Variants in AGBL1 observed in about 807,000 individuals in gnomAD.
AGBL1 encodes AGBL carboxypeptidase 1.
A neutral mutation model predicts 118.9 loss-of-function variants in AGBL1; 130 were observed. The ratio of observed to expected loss-of-function variants is 1.09; its 90% CI spans 0.95 to 1.26. The LOEUF is 1.26. AGBL1 is among the 50% of genes most tolerant of loss of function. AGBL1 has a pLI of 0.00. For synonymous variants in AGBL1, 555 were observed against 478.9 expected, an observed-to-expected ratio of 1.16 and a Z score of -2.08; for missense variants, 1,584 against 1,298.1, an observed-to-expected ratio of 1.22 and a Z score of -3.38.
intron 22 of AGBL1, among the ~76,000 whole-genome samples, chr15:86,763,938 G>T (rs929330526): frequency 6.6e-6 from 1 of 152,026 alleles, no homozygotes; most frequent in Non-Finnish European, 1.5e-5. Context: ...GTGAATATCT[G>T]GAGATACAGA....
At chr15:86,207,173 T>TCTGTTTTGGTACCAGTATCATG (rs1174659645) in intron 5 of AGBL1, among the ~76,000 whole-genome samples, 2 of 152,230 alleles carry the variant, frequency 1.3e-5, no homozygotes, top group African/African-American at 2.4e-5. Context: ...GGTCTATCTC[T>TCTGTTTTGGTACCAGTATCATG]CTGTTTTGGT....
At chr15:86,404,544 G>C (rs1379937654) in intron 18 of AGBL1, among the ~76,000 whole-genome samples, 1 of 152,128 alleles carries the variant, frequency 6.6e-6, no homozygotes, top group East Asian at 1.9e-4. Context: ...ATGCAGCAGT[G>C]GCTCTCAGAC....
intron 17 of AGBL1, among the ~76,000 whole-genome samples, chr15:86,334,397 C>G (rs1178003302): frequency 6.6e-6 from 1 of 152,068 alleles, no homozygotes; most frequent in Non-Finnish European, 1.5e-5. Context: ...AGAACCCAAT[C>G]AAGAACACAA....
intron 24 of AGBL1, chr15:86,988,151 T>A: frequency 6.4e-7 from 1 of 1,572,444 alleles, no homozygotes; most frequent in Non-Finnish European, 8.7e-7. Context: ...TGAAATACCC[T>A]GCATGTGACT....
At chr15:86,919,191 T>C (rs933284517), downstream of AGBL1, among the ~76,000 whole-genome samples, 2 of 152,226 alleles carry the variant, frequency 1.3e-5, no homozygotes, top group Non-Finnish European at 2.9e-5. Context: ...TTCACTTGAC[T>C]TCAACCTAAA....
chr15:86,250,061 C>T (rs1464325677), intron 7 of AGBL1, among the ~76,000 whole-genome samples: 3 of 152,146 alleles, frequency 2.0e-5, no homozygotes, highest in Non-Finnish European at 4.4e-5. Context: ...GTTATAATCT[C>T]TGCAAGTATG....
intron 6 of AGBL1, among the ~76,000 whole-genome samples, chr15:86,229,045 G>T (rs915082092): frequency 1.3e-5 from 2 of 151,994 alleles, no homozygotes; most frequent in African/African-American, 4.8e-5. Context: ...TGAAAGTTTT[G>T]CCTTTTTATG....
intron 22 of AGBL1, among the ~76,000 whole-genome samples, chr15:86,751,214 T>C (rs1365728425): frequency 6.6e-6 from 1 of 152,158 alleles, no homozygotes; most frequent in African/African-American, 2.4e-5. Flanking sequence ...TCTTCCACAA[T>C]GGCTGAACTA....
At chr15:86,779,942 C>A (rs1272637123) in intron 22 of AGBL1, among the ~76,000 whole-genome samples, 1 of 151,704 alleles carries the variant, frequency 6.6e-6, no homozygotes, top group African/African-American at 2.4e-5. Context: ...CACACACACA[C>A]CCCTACACTT....
intron 18 of AGBL1, among the ~76,000 whole-genome samples, chr15:86,473,858 G>A (rs1009533766): frequency 1.4e-4 from 21 of 152,064 alleles, no homozygotes; most frequent in African/African-American, 4.3e-4. Flanking sequence ...TGAGCCTCTG[G>A]AAATTTTCCT....
chr15:86,386,643 C>T (rs537351997), intron 17 of AGBL1, among the ~76,000 whole-genome samples: 106 of 152,090 alleles, frequency 7.0e-4, no homozygotes, highest in African/African-American at 2.4e-3. Flanking sequence ...CCTCAAAGAG[C>T]CTTCTTTTCT....
intron 17 of AGBL1, among the ~76,000 whole-genome samples, chr15:86,386,415 G>C (rs866922217): frequency 6.7e-6 from 1 of 149,646 alleles, no homozygotes; most frequent in Admixed American, 6.7e-5. Flanking sequence ...TGCTAGACGA[G>C]GGGTGGATTA....
intron 5 of AGBL1, among the ~76,000 whole-genome samples, chr15:86,222,018 A>G (rs1016496612): frequency 2.0e-5 from 3 of 152,170 alleles, no homozygotes; most frequent in Non-Finnish European, 4.4e-5. Context: ...CAGTTTCCAA[A>G]CTAATCATCC....
At chr15:86,080,220 T>C in intron 1 of AGBL1, 197 bp downstream of exon 1, 1 of 397,176 alleles carries the variant, frequency 2.5e-6, no homozygotes, top group Non-Finnish European at 4.4e-6. Flanking sequence ...ACGACGATGT[T>C]GATGATTGTT....
chr15:86,223,428 C>T (rs1169392884), intron 5 of AGBL1, among the ~76,000 whole-genome samples: 2 of 152,008 alleles, frequency 1.3e-5, no homozygotes, highest in African/African-American at 4.8e-5. Flanking sequence ...CTTTTTGCCC[C>T]AGCCCAAGCC....
At chr15:86,292,894 G>C (rs557984530) in intron 16 of AGBL1, among the ~76,000 whole-genome samples, 1 of 152,290 alleles carries the variant, frequency 6.6e-6, no homozygotes, top group African/African-American at 2.4e-5. Flanking sequence ...AGGTTATGCT[G>C]ATGAAGGTTG....
At chr15:86,938,579 G>A (rs998682815) in intron 23 of AGBL1, among the ~76,000 whole-genome samples, 1 of 152,112 alleles carries the variant, frequency 6.6e-6, no homozygotes, top group Non-Finnish European at 1.5e-5. Flanking sequence ...GGGACACTCA[G>A]CCATTCCAAG....
At chr15:86,430,756 G>T (rs1351936456) in intron 18 of AGBL1, among the ~76,000 whole-genome samples, 1 of 152,044 alleles carries the variant, frequency 6.6e-6, no homozygotes, top group African/African-American at 2.4e-5. Context: ...GTTTTAGTGG[G>T]GCTTTGAGAG....
At chr15:86,490,179 G>A (rs1443822371) in intron 18 of AGBL1, among the ~76,000 whole-genome samples, 1 of 152,018 alleles carries the variant, frequency 6.6e-6, no homozygotes, top group African/African-American at 2.4e-5. Flanking sequence ...TTACACTTGA[G>A]AAGTTACTCC....
Sources: allele counts gnomAD v4.1 joint callset (sites outside exome capture counted in the v4.1 genomes callset), GRCh38; gene constraint gnomAD v4.1.1; transcripts MANE v1.5; gene names NCBI Gene and HGNC (gene_info 2026-07-23, HGNC 2026-07-21).